Variants in DYRK4 observed in about 807,000 individuals in gnomAD.
DYRK4 encodes dual specificity tyrosine phosphorylation regulated kinase 4.
DYRK4 carries 64 observed loss-of-function variants against 68.3 expected under a neutral mutation model. The observed-to-expected ratio is 0.94, with a 90% CI of 0.77 to 1.15. DYRK4 has a LOEUF of 1.15. Ranked by LOEUF, DYRK4 falls within the 50% of genes most tolerant of loss-of-function variation. DYRK4 has a pLI of 0.00. For synonymous variants in DYRK4, 274 were observed against 289.9 expected (o/e 0.95, Z 0.56); for missense variants, 740 against 764.7 (o/e 0.97, Z 0.38).
At chr12:4,599,279 T>G (rs983402330) in intron 9 of DYRK4, 113 bp downstream of exon 9, 52 of 1,137,964 alleles carry the variant, frequency 4.6e-5, no homozygotes, top group African/African-American at 1.4e-4. Context: ...ACTTTTTTTT[T>G]TTTTTTTTTT....
chr12:4,566,628 G>C (rs1465779270), intron 1 of DYRK4, among the ~76,000 whole-genome samples: 1 of 152,142 alleles, frequency 6.6e-6, no homozygotes, highest in Non-Finnish European at 1.5e-5. Flanking sequence ...CTCCTTTCCT[G>C]GATAAGGAGT....
chr12:4,589,055 A>G lies in DYRK4; in HGVS notation c.213+38A>G, dbSNP rs1166394802. ...GGTCAGCTCCTTTTCTCTAGGAGAG[A>G]ATGAGGAGAGGTGGGTGGCCAGGGT... On this transcript the variant is annotated intron_variant, in intron 3 of 14. Coordinates refer to ENST00000543431, the MANE Select transcript of DYRK4 (RefSeq NM_001394779.1). 4 of 1,528,674 alleles carry G rather than the reference A, an allele frequency of 2.6e-6. No homozygotes were observed. In the East Asian group the frequency reaches 9.8e-5, roughly 37 times the overall value. 94.7% of individuals were successfully genotyped at this position (1,528,674 alleles called of 1,614,324 possible). A position where few individuals can be genotyped will look rare whatever the true frequency, so the allele number is the denominator to read the frequency against.
intron 2 of DYRK4, among the ~76,000 whole-genome samples, chr12:4,585,701 A>G (rs1323333320): frequency 1.3e-5 from 2 of 152,260 alleles, no homozygotes; most frequent in African/African-American, 2.4e-5. Flanking sequence ...TGGGTGCAGC[A>G]CACCAACATG....
At chr12:4,609,352 G>A (rs138886945) in intron 12 of DYRK4, among the ~76,000 whole-genome samples, 10 of 152,170 alleles carry the variant, frequency 6.6e-5, no homozygotes, top group Admixed American at 2.0e-4. Flanking sequence ...GGAAGATTGC[G>A]ATAGGACCCA....
rs1270379910 is a variant in DYRK4, at chr12:4,593,058, G to T, written c.520G>T (p.Gly174Cys). 6 of 1,614,036 alleles carry T rather than the reference G, an allele frequency of 3.7e-6. No homozygotes were observed. The change falls in exon 6 of 15, where the codon GGC becomes TGC. Residue 174 changes from glycine to cysteine, a missense_variant. By Grantham distance (159) the Gly-to-Cys change is radical. Coordinates refer to ENST00000543431, the MANE Select transcript of DYRK4 (RefSeq NM_001394779.1). ...LSPYEQSEIL[G>C]YAELWFLGLE... ...TCCATATGAACAAAGTGAAATCCTG[G>T]GCTACGCGGAGCTGTGGTTCCTGGG...
chr12:4,566,612 A>G (rs991541639), intron 1 of DYRK4, among the ~76,000 whole-genome samples: 2 of 152,188 alleles, frequency 1.3e-5, no homozygotes, highest in African/African-American at 4.8e-5. Context: ...ACTTTCTTCT[A>G]TGTACCTCCT....
At chr12:4,562,436 T>C (rs1944636437) in intron 1 of DYRK4, among the ~76,000 whole-genome samples, 153 bp downstream of exon 1, 1 of 152,242 alleles carries the variant, frequency 6.6e-6, no homozygotes. Flanking sequence ...AGAGGCGGGC[T>C]GTGGTGCGCG....
At chr12:4,569,870 A>T (rs1944713369) in intron 2 of DYRK4, among the ~76,000 whole-genome samples, 1 of 152,102 alleles carries the variant, frequency 6.6e-6, no homozygotes. Context: ...TTTCAAAGAA[A>T]GCAAACTCTG....
At chr12:4,583,910 A>T (rs1944868411) in intron 2 of DYRK4, among the ~76,000 whole-genome samples, 1 of 152,112 alleles carries the variant, frequency 6.6e-6, no homozygotes, top group South Asian at 2.1e-4. Flanking sequence ...GATGGCATGG[A>T]CACTGACACG....
chr12:4,602,302 T>C (rs572599951), intron 10 of DYRK4: 19 of 956,898 alleles, frequency 2.0e-5, no homozygotes, highest in Non-Finnish European at 2.8e-5. Context: ...ATTCTCCCTC[T>C]TTTTTTCTTC....
At chr12:4,574,502 A>G (rs1048728179) in intron 2 of DYRK4, among the ~76,000 whole-genome samples, 2 of 152,296 alleles carry the variant, frequency 1.3e-5, no homozygotes, top group East Asian at 3.9e-4. Flanking sequence ...TTGGTATAAC[A>G]TTTGGCCGCT....
Position 4,586,244 on chromosome 12 carries a change from A to T in DYRK4, c.133-2693A>T, listed in dbSNP as rs566461304. On this transcript the variant is annotated intron_variant, in intron 2 of 14. Coordinates refer to ENST00000543431, the MANE Select transcript of DYRK4 (RefSeq NM_001394779.1). ...GCTTTCACTGATGCCCTTTCTTCTG[A>T]TCTCCTGTCCCCTCTAGAGGCAGGG... is the stretch of plus-strand genomic sequence containing the variant. Among the ~76,000 whole-genome samples, 14 of 152,104 alleles carry T rather than the reference A, an allele frequency of 9.2e-5. No homozygotes were observed. The South Asian group carries it at 2.7e-3, about 29-fold the overall frequency.
At chr12:4,564,317 T>G (rs978612757) in intron 1 of DYRK4, 17 of 151,780 alleles carry the variant, frequency 1.1e-4, no homozygotes, top group Non-Finnish European at 2.4e-4. Context: ...TATACATCTA[T>G]TATATATCAA....
intron 9 of DYRK4, 104 bp downstream of exon 9, chr12:4,599,270 CTTT>C (rs71061195): frequency 0.013 from 5,735 of 452,384 alleles, no homozygotes; most frequent in East Asian, 0.021. Context: ...TTGCCTTTGA[CTTT>C]TTTTTTTTTT....
chr12:4,565,373 AAG>A (rs1240139685), intron 1 of DYRK4, among the ~76,000 whole-genome samples: 1 of 152,320 alleles, frequency 6.6e-6, no homozygotes, highest in East Asian at 1.9e-4. Context: ...TGTAGAATTA[AAG>A]AAATTTAGAC....
chr12:4,581,837 G>A (rs1408539311), intron 2 of DYRK4, among the ~76,000 whole-genome samples: 3 of 152,230 alleles, frequency 2.0e-5, no homozygotes, highest in African/African-American at 4.8e-5. Flanking sequence ...TCTCTTATCC[G>A]AAATTCTTGG....
chr12:4,606,541 C>G (rs1050203218), intron 11 of DYRK4, among the ~76,000 whole-genome samples: 2 of 152,198 alleles, frequency 1.3e-5, no homozygotes, highest in Admixed American at 6.5e-5. Context: ...AGTCCTGGCT[C>G]TGTCTTTTTG....
At chr12:4,565,040 T>A (rs2137313748) in intron 1 of DYRK4, among the ~76,000 whole-genome samples, 2 of 152,320 alleles carry the variant, frequency 1.3e-5, no homozygotes, top group East Asian at 3.9e-4. Flanking sequence ...ATGGCCAAAC[T>A]TTTGGTTTCA....
chr12:4,590,270 C>T (rs1944938736), intron 3 of DYRK4, 60 bp from the exon 4 acceptor site: 19 of 1,489,738 alleles, frequency 1.3e-5, no homozygotes, highest in Non-Finnish European at 1.7e-5. Flanking sequence ...GAAGAAATGA[C>T]CCCTGGAGAC....
Sources: allele counts gnomAD v4.1 joint callset (sites outside exome capture counted in the v4.1 genomes callset), GRCh38; gene constraint gnomAD v4.1.1; transcripts MANE v1.5; gene names NCBI Gene and HGNC (gene_info 2026-07-23, HGNC 2026-07-21).